Variants in ADK observed in about 807,000 individuals in gnomAD.
The protein encoded by ADK is N6,N6-dimethyladenosine kinase.
In ADK, 24 loss-of-function variants were observed where a neutral mutation model predicts 44.7. That is an observed-to-expected ratio of 0.54 (90% CI 0.39 to 0.76). ADK has a LOEUF of 0.76. ADK is among the 30% of genes least tolerant of loss of function. The pLI, the probability that ADK is intolerant of heterozygous loss-of-function variation, is 0.00. For missense variants in ADK, 321 were observed against 425.1 expected (o/e 0.76, Z 2.15); for synonymous variants, 128 against 142.6 (o/e 0.90, Z 0.73).
At chr10:74,439,713 C>T (rs1312619265) in intron 6 of ADK, among the ~76,000 whole-genome samples, 5 of 151,842 alleles carry the variant, frequency 3.3e-5, no homozygotes, top group African/African-American at 7.3e-5. Flanking sequence ...TTATAATATA[C>T]GATAAATCAA....
intron 2 of ADK, among the ~76,000 whole-genome samples, chr10:74,201,806 G>C (rs953011265): frequency 1.3e-5 from 2 of 151,780 alleles, no homozygotes; most frequent in African/African-American, 4.8e-5. Flanking sequence ...GATAACGGGG[G>C]CACTACTATA....
intron 7 of ADK, among the ~76,000 whole-genome samples, chr10:74,534,082 G>A (rs190607750): frequency 5.1e-4 from 78 of 152,290 alleles, no homozygotes; most frequent in Middle Eastern, 3.4e-3. Context: ...CAAATTTATG[G>A]TGATGGCAGA....
intron 1 of ADK, among the ~76,000 whole-genome samples, chr10:74,197,544 A>C (rs1203428192): frequency 6.6e-6 from 1 of 152,086 alleles, no homozygotes; most frequent in Non-Finnish European, 1.5e-5. Context: ...TACTACAAAT[A>C]TAAAAATTAG....
rs145663576 is a variant in ADK at position 74,594,174 on chromosome 10, C to T, written c.762+4857C>T. ...ACACAGGGAGGGCAACATCATACAC[C>T]GGGGCCTGTTGTGGGGTGGGGGGTT... is the stretch of plus-strand genomic sequence containing the variant. On this transcript the variant is annotated intron_variant, in intron 8 of 10. Transcript: ENST00000539909. 5.9e-4 allele frequency among the ~76,000 whole-genome samples: 63 copies of T among 106,998 alleles called. No individual in the cohort carries two copies. The East Asian group carries it at 0.018, about 31-fold the overall frequency. 70.2% of individuals were successfully genotyped at this position (106,998 alleles called of 152,430 possible).
chr10:74,210,226 G>T (rs571376963), intron 2 of ADK, among the ~76,000 whole-genome samples: 1 of 151,450 alleles, frequency 6.6e-6, no homozygotes, highest in African/African-American at 2.4e-5. Flanking sequence ...CTACTCAGGA[G>T]GCTGAGGCAG....
intron 7 of ADK, among the ~76,000 whole-genome samples, chr10:74,564,243 C>T (rs1045254286): frequency 6.6e-6 from 1 of 151,926 alleles, no homozygotes; most frequent in African/African-American, 2.4e-5. Flanking sequence ...CAGAAATCCC[C>T]CAGAAAGACG....
At chr10:74,366,271 A>T (rs373354504) in intron 4 of ADK, among the ~76,000 whole-genome samples, 1 of 152,184 alleles carries the variant, frequency 6.6e-6, no homozygotes, top group East Asian at 1.9e-4. Context: ...ATACTAAAAT[A>T]GTACGTCTTG....
intron 1 of ADK, among the ~76,000 whole-genome samples, chr10:74,200,330 A>G (rs1564588379): frequency 6.6e-6 from 1 of 151,774 alleles, no homozygotes; most frequent in Non-Finnish European, 1.5e-5. Context: ...CTAAAAATAC[A>G]AAAATTAGCC....
At chr10:74,421,756 A>G (rs972068616) in intron 6 of ADK, among the ~76,000 whole-genome samples, 1 of 152,206 alleles carries the variant, frequency 6.6e-6, no homozygotes, top group East Asian at 1.9e-4. Flanking sequence ...CTTAAAAATA[A>G]TAAAGATTAA....
At chr10:74,151,962 CT>C (rs1324800523) in intron 1 of ADK, among the ~76,000 whole-genome samples, 6 of 152,198 alleles carry the variant, frequency 3.9e-5, no homozygotes, top group African/African-American at 9.7e-5. Flanking sequence ...AGTGCTGCCC[CT>C]AACACCTGCC....
intron 9 of ADK, among the ~76,000 whole-genome samples, chr10:74,635,550 T>C (rs1324226085): frequency 1.3e-5 from 2 of 152,054 alleles, no homozygotes; most frequent in South Asian, 2.1e-4. Flanking sequence ...CTCCATAAAT[T>C]AGTAACATAA....
chr10:74,152,687 A>C (rs541828301), intron 1 of ADK, among the ~76,000 whole-genome samples: 1 of 152,308 alleles, frequency 6.6e-6, no homozygotes, highest in African/African-American at 2.4e-5. Context: ...CTTGTTGGAC[A>C]GTTCTGTGAT....
At chr10:74,559,546 C>T (rs574027919) in intron 7 of ADK, among the ~76,000 whole-genome samples, 3 of 152,174 alleles carry the variant, frequency 2.0e-5, no homozygotes, top group Admixed American at 6.5e-5. Flanking sequence ...TCTATAGGCT[C>T]AATCTCCAGA....
At position 74,184,732 on chromosome 10, in the gene ADK, C is replaced by CT. The variant is rs1564578593; in HGVS notation, c.66-16031dup. ...TAGACACATAAATGTGTCTCATTTACTCTCAAAAGTGTCCCATTTGGATAA... is the reference window on the plus strand; with the variant it reads ...TAGACACATAAATGTGTCTCATTTACTTCTCAAAAGTGTCCCATTTGGATAA... On this transcript the variant is annotated intron_variant, in intron 1 of 10. Coordinates refer to ENST00000539909, the MANE Select transcript of ADK (RefSeq NM_006721.4). Among the ~76,000 whole-genome samples the CT allele has an allele frequency of 1.1e-4, 16 of 152,296 alleles. No individual in the cohort carries two copies. In the South Asian group the frequency reaches 3.3e-3, roughly 32 times the overall value.
intron 4 of ADK, 91 bp from the exon 5 acceptor site, chr10:74,394,050 C>T: frequency 7.8e-7 from 1 of 1,281,510 alleles, no homozygotes. Flanking sequence ...TCTCACAAAG[C>T]ATTCTTGTCA....
At chr10:74,190,141 T>C (rs1333254771) in intron 1 of ADK, among the ~76,000 whole-genome samples, 2 of 152,258 alleles carry the variant, frequency 1.3e-5, no homozygotes, top group African/African-American at 4.8e-5. Flanking sequence ...TATGTTTACT[T>C]TTTGAGCAAC....
chr10:74,439,641 A>G (rs1360731536), intron 6 of ADK, among the ~76,000 whole-genome samples: 1 of 152,168 alleles, frequency 6.6e-6, no homozygotes. Context: ...TTCCAAAAGA[A>G]AGTTCACCTT....
intron 3 of ADK, among the ~76,000 whole-genome samples, chr10:74,241,169 A>G (rs7074078): frequency 0.99 from 150,819 of 152,346 alleles, 74,735 homozygotes; most frequent in Middle Eastern, 1. Flanking sequence ...ACGGTGTAAT[A>G]TCAATCTGTG....
chr10:74,433,852 A>G (rs556803769), intron 6 of ADK, among the ~76,000 whole-genome samples: 1 of 152,306 alleles, frequency 6.6e-6, no homozygotes, highest in Admixed American at 6.5e-5. Context: ...ACTATGATCA[A>G]AACTATGCTG....
Sources: gnomAD v4.1 joint callset for allele counts (sites outside exome capture counted in the v4.1 genomes callset) on GRCh38, gnomAD v4.1.1 for gene constraint, MANE v1.5 for transcripts, NCBI Gene and HGNC (gene_info 2026-07-23, HGNC 2026-07-21) for gene names.